Variants in TCF3 observed in about 807,000 individuals in gnomAD.
The protein encoded by TCF3 is transcription factor 3, also known as transcription factor E2-alpha.
A neutral mutation model predicts 72.3 loss-of-function variants in TCF3; 54 were observed. The ratio of observed to expected loss-of-function variants is 0.75; its 90% CI spans 0.60 to 0.94. The LOEUF is 0.94. TCF3 is among the 40% of genes least tolerant of loss of function. TCF3 has a pLI of 0.00. For synonymous variants in TCF3, 525 were observed against 412.6 expected, an observed-to-expected ratio of 1.27 and a Z score of -3.30; for missense variants, 1,078 against 934.4, an observed-to-expected ratio of 1.15 and a Z score of -2.00.
Position 1,650,303 on chromosome 19 carries a change from G to A in TCF3, c.-39-16C>T. On this transcript the variant is annotated splice_polypyrimidine_tract_variant and intron_variant, in intron 1 of 18. Coordinates refer to ENST00000262965, the MANE Select transcript of TCF3 (RefSeq NM_003200.5). ...CCTGGAAACCCTGCTTGGTGGATGT[G>A]GGGACAGATGGACAGGGAGAAACAG... 1 of 1,499,742 alleles carries A rather than the reference G, an allele frequency of 6.7e-7. No homozygotes were observed. The highest frequency in any genetic ancestry group is 9.0e-7 in the Non-Finnish European group (1 of 1,109,266). The allele number at this position is 1,499,742 out of a possible 1,614,324, so 92.9% of individuals were successfully genotyped here.
rs1195844732 is a variant in TCF3, at chr19:1,622,036, C to T, written c.822+18G>A. On this transcript the variant is annotated intron_variant, in intron 10 of 18. Coordinates refer to ENST00000262965, the MANE Select transcript of TCF3 (RefSeq NM_003200.5). ...TGCCACCCTCCGCCCACCCCCTGCC[C>T]CCTGCCCTGGGTCCTACCATACGCT... The T allele has an allele frequency of 1.3e-6, 2 of 1,598,330 alleles. No individual in the cohort carries two copies. The highest frequency in any genetic ancestry group is 1.3e-5 in the African/African-American group (1 of 74,706).
At position 1,623,886 on chromosome 19, in the gene TCF3, C is replaced by G. The variant is rs1001355128; in HGVS notation, c.549+65G>C. The G allele has an allele frequency of 1.7e-5, 27 of 1,549,084 alleles. No homozygotes were observed. In the Admixed American group the frequency reaches 3.4e-4, roughly 20 times the overall value. On this transcript the variant is annotated intron_variant, in intron 8 of 18. Coordinates refer to ENST00000262965, the MANE Select transcript of TCF3 (RefSeq NM_003200.5). ...CGCCATGTGTGTTCCCAAGCTTCGC[C>G]AGGACACAGGGCCTGGCACTGCCAC...
chr19:1,621,941 G>A lies in TCF3; in HGVS notation c.852C>T (p.Asn284=), dbSNP rs765565187. Residue 284 remains asparagine (N), a synonymous_variant, in exon 11 of 19, where the codon AAC becomes AAT. Transcript: ENST00000262965. The part of the protein sequence containing the change: ...MGYQLHGAEV[N]GGLPSASSFS... ...AGGAGGATGCAGATGGGAGCCCACC[G>A]TTCACCTCTGCTCCATGCAGCTGGT... 2.1e-5 allele frequency: 34 copies of A among 1,606,194 alleles called. No homozygotes were observed. In the East Asian group the frequency reaches 3.4e-4, roughly 16 times the overall value.
chr19:1,625,402 T>A (rs1205439341), intron 7 of TCF3, among the ~76,000 whole-genome samples, 174 bp downstream of exon 7: 2 of 152,140 alleles, frequency 1.3e-5, no homozygotes, highest in Non-Finnish European at 2.9e-5. Flanking sequence ...GGCCCCTGCC[T>A]CGACCCCCCG....
intron 3 of TCF3, among the ~76,000 whole-genome samples, chr19:1,641,562 C>T (rs537441519): frequency 2.6e-4 from 39 of 152,160 alleles, no homozygotes; most frequent in Non-Finnish European, 4.0e-4. Flanking sequence ...AAGTGCTTTT[C>T]GTGTCTCAGC....
At chr19:1,630,494 C>T (rs933222326) in intron 5 of TCF3, among the ~76,000 whole-genome samples, 5 of 152,298 alleles carry the variant, frequency 3.3e-5, no homozygotes, top group African/African-American at 7.2e-5. Flanking sequence ...AAGGCTGGGT[C>T]GGCCAAAGTC....
chr19:1,623,703 G>A (rs1235884540), intron 8 of TCF3, among the ~76,000 whole-genome samples: 1 of 152,128 alleles, frequency 6.6e-6, no homozygotes, highest in South Asian at 2.1e-4. Flanking sequence ...CCTTTCTAAA[G>A]GGGCCTCAGC....
chr19:1,619,383 G>A lies in TCF3; in HGVS notation c.1259C>T (p.Pro420Leu), dbSNP rs754090913. 6.3e-7 allele frequency: 1 copy of A among 1,592,838 alleles called. No individual in the cohort carries two copies. Among genetic ancestry groups the A allele is most frequent in the Non-Finnish European group, 8.5e-7 (1 of 1,176,806 alleles). Residue 420 changes from proline to leucine, a missense_variant, in exon 15 of 19, where the codon CCT becomes CTT. Transcript: ENST00000262965. ...GTAGDMHTLL[P>L]GHGALASGFT... is the part of the protein sequence containing the mutation. ...ACCTGAGGCCAGCGCCCCGTGGCCA[G>A]GCAGCAGCGTGTGCATGTCGCCGGC...
At position 1,611,548 on chromosome 19, in the gene TCF3, G is replaced by A. The variant is rs1015641593; in HGVS notation, c.*159C>T. 17 of 1,047,626 alleles carry A rather than the reference G, an allele frequency of 1.6e-5. No homozygotes were observed. The highest frequency in any genetic ancestry group is 1.1e-4 in the South Asian group (6 of 56,378). The allele number at this position is 1,047,626 out of a possible 1,614,324, so 64.9% of individuals were successfully genotyped here. On this transcript the variant is annotated 3_prime_UTR_variant, in exon 19 of 19. Transcript: ENST00000262965. ...TCCTGGACCCAGTGTCACCTTGGCC[G>A]CCCCCATCACTCCGAACCTTGTCAG...
intron 15 of TCF3, 34 bp downstream of exon 15, chr19:1,619,282 C>G: frequency 1.3e-6 from 2 of 1,569,326 alleles, no homozygotes; most frequent in Non-Finnish European, 1.7e-6. Flanking sequence ...GGGTCCCCGC[C>G]CACTGCCCAG....
chr19:1,627,226 A>ACCCCCC, intron 6 of TCF3, 133 bp downstream of exon 6: 1 of 403,148 alleles, frequency 2.5e-6, no homozygotes, highest in Admixed American at 3.8e-5. Flanking sequence ...CCCTGGCCCA[A>ACCCCCC]GCCCAGCCTG....
chr19:1,612,162 G>T, intron 18 of TCF3: 4 of 1,522,914 alleles, frequency 2.6e-6, no homozygotes, highest in Non-Finnish European at 3.5e-6. Flanking sequence ...ACCTGGGTGT[G>T]GGGAAGGGAG....
At position 1,621,063 on chromosome 19, in the gene TCF3, G is replaced by C. The variant is rs2146084080; in HGVS notation, c.1015-17C>G. ...GGAGTAGATCTGCGAGGAGGACCAG[G>C]AGAGATGGGCGGTCAGGGGCCGGCC... is the stretch of plus-strand genomic sequence containing the variant. On this transcript the variant is annotated splice_polypyrimidine_tract_variant and intron_variant, in intron 12 of 18. Coordinates refer to ENST00000262965, the MANE Select transcript of TCF3 (RefSeq NM_003200.5). The C allele has an allele frequency of 6.5e-6, 10 of 1,526,976 alleles. No homozygotes were observed. The highest frequency in any genetic ancestry group is 8.8e-6 in the Non-Finnish European group (10 of 1,130,086). 94.6% of individuals were successfully genotyped at this position (1,526,976 alleles called of 1,614,324 possible). A position where few individuals can be genotyped will look rare whatever the true frequency, so the allele number is the denominator to read the frequency against.
intron 18 of TCF3, among the ~76,000 whole-genome samples, chr19:1,612,898 A>G (rs987082758): frequency 2.4e-5 from 3 of 123,612 alleles, no homozygotes; most frequent in Non-Finnish European, 3.4e-5. Context: ...GTGGGTGTGG[A>G]CAGCAGTGGG....
Position 1,622,426 on chromosome 19 carries a change from G to A in TCF3, c.550-11C>T. 1 of 1,350,776 alleles carries A rather than the reference G, an allele frequency of 7.4e-7. No homozygotes were observed. Among genetic ancestry groups the A allele is most frequent in the Non-Finnish European group, 9.9e-7 (1 of 1,012,068 alleles). The allele number at this position is 1,350,776 out of a possible 1,614,324, so 83.7% of individuals were successfully genotyped here. Reference sequence around the variant, plus strand: ...GCTGGGTGGGTACACCTGCGGGCGGGTGGGCGGTGGGGGGTGCAGTCAGGA... The same window carrying A: ...GCTGGGTGGGTACACCTGCGGGCGGATGGGCGGTGGGGGGTGCAGTCAGGA... On this transcript the variant is annotated splice_polypyrimidine_tract_variant and intron_variant, in intron 8 of 18. Transcript: ENST00000262965.
intron 2 of TCF3, among the ~76,000 whole-genome samples, chr19:1,647,285 C>T (rs924277468): frequency 3.9e-5 from 6 of 152,254 alleles, no homozygotes; most frequent in African/African-American, 9.6e-5. Flanking sequence ...AACAAGCCTC[C>T]GCCCTGCCCC....
Position 1,621,692 on chromosome 19 carries a change from G to T in TCF3, c.955+146C>A, listed in dbSNP as rs528763424. 5.4e-6 allele frequency: 6 copies of T among 1,111,834 alleles called. No homozygotes were observed. The African/African-American group carries it at 6.3e-5, about 12-fold the overall frequency. 68.9% of individuals were successfully genotyped at this position (1,111,834 alleles called of 1,614,324 possible). A position where few individuals can be genotyped will look rare whatever the true frequency, so the allele number is the denominator to read the frequency against. ...ACGCACGTGGCAGGCCCTGCAGACA[G>T]CGGACAATGAGAACTGACAACAACC... On this transcript the variant is annotated intron_variant, in intron 11 of 18. Transcript: ENST00000262965.
At chr19:1,642,312 GCACA>G (rs747981790) in intron 3 of TCF3, among the ~76,000 whole-genome samples, 77 of 151,406 alleles carry the variant, frequency 5.1e-4, no homozygotes, top group Admixed American at 9.2e-4. Context: ...ACACCCGCAC[GCACA>G]CACAGACACA....
At chr19:1,651,123 G>C (rs1231327896) in intron 1 of TCF3, 1 of 231,870 alleles carries the variant, frequency 4.3e-6, no homozygotes, top group East Asian at 6.1e-5. Flanking sequence ...TCCATTCTAA[G>C]ATGGGGGATG....
Sources: gnomAD v4.1 joint callset for allele counts (sites outside exome capture counted in the v4.1 genomes callset) on GRCh38, gnomAD v4.1.1 for gene constraint, MANE v1.5 for transcripts, NCBI Gene and HGNC (gene_info 2026-07-23, HGNC 2026-07-21) for gene names.